F5: variants seen among roughly 807,000 people sequenced by gnomAD.
The protein encoded by F5 is coagulation factor V.
F5 carries 138 observed loss-of-function variants against 216.4 expected under a neutral mutation model. The ratio of observed to expected loss-of-function variants is 0.64; its 90% CI spans 0.56 to 0.73. The LOEUF is 0.73. Ranked by LOEUF, F5 falls within the 30% of genes least tolerant of loss-of-function variation. The pLI is 0.00. For missense variants in F5, 2,403 were observed against 2,674.0 expected (o/e 0.90, Z 2.24); for synonymous variants, 916 against 930.7 (o/e 0.98, Z 0.29).
intron 12 of F5, among the ~76,000 whole-genome samples, 168 bp from the exon 13 acceptor site, chr1:169,543,282 A>C (rs1659915300): frequency 6.6e-6 from 1 of 152,200 alleles, no homozygotes; most frequent in South Asian, 2.1e-4. Flanking sequence ...GGGTCAAAAT[A>C]ACACAAGGAG....
At chr1:169,533,220 G>A (rs559892838) in intron 14 of F5, among the ~76,000 whole-genome samples, 186 of 152,190 alleles carry the variant, frequency 1.2e-3, no homozygotes, top group Non-Finnish European at 2.0e-3. Context: ...GAACCCCAAT[G>A]AATCCAATGA....
In F5 at chr1:169,582,501, G is replaced by A. The variant is rs1032643557; in HGVS notation, c.180C>T (p.Ser60=). 2 of 1,547,396 alleles carry A rather than the reference G, an allele frequency of 1.3e-6. No individual in the cohort carries two copies. Among genetic ancestry groups the A allele is most frequent in the African/African-American group, 1.4e-5 (1 of 73,844 alleles). The change falls in exon 2 of 25, where the codon TCC becomes TCT. Residue 60 remains serine, a synonymous_variant. Transcript: ENST00000367797. The part of the protein sequence containing the change: ...TNSSLNLSVT[S]FKKIVYREYE... ...ACTCTCTGTAGACAATTTTCTTAAA[G>A]GAAGTTACAGAAAGATTCAAACTGG...
rs541800681 is a variant in F5 at position 169,555,357 on chromosome 1, G to A, written c.953-10C>T. 3.1e-6 allele frequency: 5 copies of A among 1,613,606 alleles called. No individual in the cohort carries two copies. The highest frequency in any genetic ancestry group is 1.3e-5 in the African/African-American group (1 of 74,864). ...TAAGCCTGCATCCCAGCTGAGTTAG[G>A]ACAGAAAGACAATGAAATAACTCAA... On this transcript the variant is annotated splice_polypyrimidine_tract_variant and intron_variant, in intron 6 of 24. Transcript: ENST00000367797.
intron 1 of F5, among the ~76,000 whole-genome samples, chr1:169,585,619 G>C (rs1050765178): frequency 2.7e-5 from 4 of 150,828 alleles, no homozygotes; most frequent in South Asian, 2.1e-4. Flanking sequence ...GATGAACAGA[G>C]AGAAAAAAAA....
intron 1 of F5, among the ~76,000 whole-genome samples, chr1:169,583,619 C>A (rs1297078366): frequency 2.0e-5 from 3 of 152,162 alleles, no homozygotes; most frequent in African/African-American, 4.8e-5. Flanking sequence ...GTGCAAAAGG[C>A]ATAGAGCTGG....
At chr1:169,530,618 T>C (rs963424731) in intron 15 of F5, among the ~76,000 whole-genome samples, 168 bp downstream of exon 15, 2 of 152,220 alleles carry the variant, frequency 1.3e-5, no homozygotes, top group East Asian at 1.9e-4. Flanking sequence ...AAGAGCTGCA[T>C]GGAGAGTCCC....
intron 20 of F5, 53 bp from the exon 21 acceptor site, chr1:169,523,405 A>G: frequency 6.2e-7 from 1 of 1,600,500 alleles, no homozygotes; most frequent in Non-Finnish European, 8.6e-7. Flanking sequence ...CAAGTCACAC[A>G]CTGCCTAAAT....
intron 21 of F5, among the ~76,000 whole-genome samples, chr1:169,520,904 C>T (rs548263576): frequency 1.3e-5 from 2 of 152,172 alleles, no homozygotes; most frequent in South Asian, 2.1e-4. Context: ...CTCAGAGAAA[C>T]ATAAGACCCT....
Position 169,515,426 on chromosome 1 carries a change from G to GC in F5, c.6528+17dup. The GC allele has an allele frequency of 6.2e-7, 1 of 1,612,286 alleles. No individual in the cohort carries two copies. The highest frequency in any genetic ancestry group is 2.2e-5 in the East Asian group (1 of 44,846). ...ACAGTCTTCAGATTGCTTTCTCTTT[G>GC]CCCAGATGCCACTCTACCTTGTCCA... On this transcript the variant is annotated intron_variant, in intron 24 of 24. Transcript: ENST00000367797.
At chr1:169,572,145 A>G (rs1660738935) in intron 3 of F5, 76 bp downstream of exon 3, 2 of 1,448,470 alleles carry the variant, frequency 1.4e-6, no homozygotes, top group East Asian at 4.6e-5. Flanking sequence ...GGTTAACAGT[A>G]TAGTTTTAAA....
rs1428261290 is a variant in F5 at position 169,567,667 on chromosome 1, C to T, written c.373+4554G>A. Among the ~76,000 whole-genome samples the T allele has an allele frequency of 2.0e-5, 3 of 151,912 alleles. No individual in the cohort carries two copies. The East Asian group carries it at 5.8e-4, about 29-fold the overall frequency. On this transcript the variant is annotated intron_variant, in intron 3 of 24. Transcript: ENST00000367797. ...CTTACTTTCTAATCAGTCCTCGGCC[C>T]CTCAGTTTAGTTCAGTAATGATTAA...
At chr1:169,519,408 A>G (rs548972259) in intron 22 of F5, among the ~76,000 whole-genome samples, 1 of 152,324 alleles carries the variant, frequency 6.6e-6, no homozygotes, top group South Asian at 2.1e-4. Flanking sequence ...GGATCTGAAC[A>G]AATCTATTTA....
intron 3 of F5, among the ~76,000 whole-genome samples, chr1:169,569,582 A>T (rs1368339785): frequency 6.6e-6 from 1 of 152,074 alleles, no homozygotes; most frequent in East Asian, 1.9e-4. Flanking sequence ...TTTAACCTCA[A>T]ATTGAAACCC....
intron 5 of F5, among the ~76,000 whole-genome samples, chr1:169,558,848 A>T (rs1660389939): frequency 6.6e-6 from 1 of 152,134 alleles, no homozygotes; most frequent in Non-Finnish European, 1.5e-5. Flanking sequence ...CATGGTCATC[A>T]TATAGAGGAA....
intron 11 of F5, among the ~76,000 whole-genome samples, chr1:169,546,031 T>A: frequency 6.6e-6 from 1 of 152,220 alleles, no homozygotes; most frequent in East Asian, 1.9e-4. Context: ...CTTTGATGTG[T>A]CAATCCATCT....
chr1:169,560,435 C>G (rs1240858679), intron 4 of F5, 119 bp downstream of exon 4: 3 of 897,940 alleles, frequency 3.3e-6, no homozygotes, highest in Non-Finnish European at 5.4e-6. Flanking sequence ...GTCTCCGTGC[C>G]GTCTTCCTCT....
At chr1:169,517,357 G>A (rs1571556652) in intron 23 of F5, among the ~76,000 whole-genome samples, 1 of 152,142 alleles carries the variant, frequency 6.6e-6, no homozygotes, top group African/African-American at 2.4e-5. Flanking sequence ...TCAAGACACA[G>A]ATATCAGTTC....
chr1:169,539,503 T>C (rs533454627), intron 13 of F5, among the ~76,000 whole-genome samples: 1 of 152,198 alleles, frequency 6.6e-6, no homozygotes, highest in Non-Finnish European at 1.5e-5. Context: ...AACATTTAAA[T>C]AGGAAGTCAT....
chr1:169,551,286 A>G (rs1026777135), intron 8 of F5, among the ~76,000 whole-genome samples: 1 of 152,054 alleles, frequency 6.6e-6, no homozygotes, highest in Non-Finnish European at 1.5e-5. Context: ...TCATCTCTAC[A>G]AAAAAATACA....
Sources: gnomAD v4.1 joint callset for allele counts (sites outside exome capture counted in the v4.1 genomes callset) on GRCh38, gnomAD v4.1.1 for gene constraint, MANE v1.5 for transcripts, NCBI Gene and HGNC (gene_info 2026-07-23, HGNC 2026-07-21) for gene names.